Variants in ZNF714 observed in about 807,000 individuals in gnomAD.
ZNF714 encodes the protein zinc finger protein 714.
In ZNF714, 32 loss-of-function variants were observed where a neutral mutation model predicts 46.2. The observed-to-expected ratio is 0.69, with a 90% confidence interval of 0.52 to 0.93. The LOEUF is 0.93. Ranked by LOEUF, ZNF714 falls within the 40% of genes least tolerant of loss-of-function variation. The pLI is 0.00. For synonymous variants in ZNF714, 199 were observed against 213.1 expected (o/e 0.93, Z 0.58); for missense variants, 635 against 646.3 (o/e 0.98, Z 0.19).
chr19:21,092,478 T>C (rs561577473), intron 2 of ZNF714, among the ~76,000 whole-genome samples: 1 of 152,352 alleles, frequency 6.6e-6, no homozygotes, highest in East Asian at 1.9e-4. Context: ...TTTAACTGCA[T>C]GGGCACAGAA....
chr19:21,118,276 AC>A lies in ZNF714; in HGVS notation c.1616del (p.Pro539HisfsTer4), dbSNP rs1319875151. 3.8e-6 allele frequency: 5 copies of A among 1,325,040 alleles called. No individual in the cohort carries two copies. The African/African-American group carries it at 7.4e-5, about 20-fold the overall frequency. 82.1% of individuals were successfully genotyped at this position (1,325,040 alleles called of 1,614,324 possible). On this transcript the variant is annotated frameshift_variant, in exon 5 of 5. Transcript: ENST00000456283. LOFTEE classifies it high-confidence loss of function. ...AGACCAGCCTGGCCAACATGGTAAA[AC>A]CCCATCTCTACTAAAAATACAAAAA... ...VQDQPGQHGK[T>X]PSLLKIQKFA... is the part of the protein sequence containing the mutation.
intron 2 of ZNF714, among the ~76,000 whole-genome samples, chr19:21,094,763 G>T (rs1968998384): frequency 1.3e-5 from 2 of 152,178 alleles, no homozygotes; most frequent in African/African-American, 4.8e-5. Context: ...ATGACCTCAA[G>T]TGATCTGCCT....
chr19:21,096,690 G>C (rs1023905857), intron 2 of ZNF714, among the ~76,000 whole-genome samples: 1 of 152,038 alleles, frequency 6.6e-6, no homozygotes, highest in African/African-American at 2.4e-5. Flanking sequence ...TTCCTTTTGT[G>C]GCTGCTGAAC....
In ZNF714 at chr19:21,117,533, G is replaced by A. The variant is rs1969627584; in HGVS notation, c.869G>A (p.Cys290Tyr). The A allele has an allele frequency of 6.2e-7, 1 of 1,606,698 alleles. No individual in the cohort carries two copies. The highest frequency in any genetic ancestry group is 1.3e-5 in the African/African-American group (1 of 74,708). Residue 290 changes from cysteine to tyrosine, a missense_variant, in exon 5 of 5, where the codon TGT becomes TAT. Cys to Tyr is a radical substitution (Grantham distance 194). Coordinates refer to ENST00000456283, the MANE Select transcript of ZNF714 (RefSeq NM_182515.4). ...VKEKPYKCEE[C>Y]DKAFNRFSYL... Reference sequence around the variant, plus strand: ...GAAAAACCCTACAAATGTGAAGAATGTGACAAAGCTTTTAACCGATTCTCA... The same window carrying A: ...GAAAAACCCTACAAATGTGAAGAATATGACAAAGCTTTTAACCGATTCTCA...
chr19:21,117,774 A>G lies in ZNF714; in HGVS notation c.1110A>G (p.Lys370=). ...KMIHTGEKPY[K]CEECGKAFNH... is the part of the protein sequence containing the mutation. ...TTCATACTGGAGAGAAACCCTACAA[A>G]TGTGAAGAATGTGGCAAAGCCTTTA... The change falls in exon 5 of 5, where the codon AAA becomes AAG. Residue 370 remains lysine (K), a synonymous_variant. Coordinates refer to ENST00000456283, the MANE Select transcript of ZNF714 (RefSeq NM_182515.4). 6.2e-7 allele frequency: 1 copy of G among 1,613,720 alleles called. No homozygotes were observed. The highest frequency in any genetic ancestry group is 8.5e-7 in the Non-Finnish European group (1 of 1,179,970).
In ZNF714 at chr19:21,123,278, T is replaced by C. The variant is rs1969737704; in HGVS notation, c.*4946T>C. ...ATTCTTATACAAAGTGTGGCAAATA[T>C]AAAACTTGCTTGAAAATATGGAAAT... On this transcript the variant is annotated 3_prime_UTR_variant, in exon 5 of 5. Coordinates refer to ENST00000456283, the MANE Select transcript of ZNF714 (RefSeq NM_182515.4). 1 of 152,068 alleles carries C rather than the reference T, an allele frequency of 6.6e-6. No homozygotes were observed. Among genetic ancestry groups the C allele is most frequent in the Non-Finnish European group, 1.5e-5 (1 of 68,008 alleles). The allele number at this position is 152,068 out of a possible 1,614,324, so 9.4% of individuals were successfully genotyped here.
intron 2 of ZNF714, among the ~76,000 whole-genome samples, chr19:21,092,074 G>A (rs1219292912): frequency 6.6e-6 from 1 of 152,082 alleles, no homozygotes; most frequent in Non-Finnish European, 1.5e-5. Flanking sequence ...TAAAACTCTT[G>A]GTATCTGGAA....
At chr19:21,098,957 G>T in intron 4 of ZNF714, 47 bp downstream of exon 4, 5 of 891,494 alleles carry the variant, frequency 5.6e-6, no homozygotes, top group East Asian at 3.0e-5. Flanking sequence ...GAGGTACAAA[G>T]GTAAAAAAAA....
intron 1 of ZNF714, among the ~76,000 whole-genome samples, chr19:21,082,715 C>G (rs1050585316): frequency 7.4e-6 from 1 of 135,340 alleles, no homozygotes; most frequent in Admixed American, 7.5e-5. Context: ...GTTCCAGTTC[C>G]TCTTCTGTTG....
intron 2 of ZNF714, 44 bp downstream of exon 2, chr19:21,084,113 C>A: frequency 3.8e-6 from 3 of 790,518 alleles, no homozygotes; most frequent in Non-Finnish European, 4.7e-6. Context: ...GAAATAACAT[C>A]TGCCTCCTGG....
chr19:21,114,979 T>C (rs1217679792), intron 4 of ZNF714, among the ~76,000 whole-genome samples: 5 of 152,320 alleles, frequency 3.3e-5, no homozygotes, highest in Admixed American at 1.3e-4. Flanking sequence ...TTTTTCTGTC[T>C]CTGTGTCTTT....
intron 4 of ZNF714, among the ~76,000 whole-genome samples, chr19:21,113,571 A>G: frequency 6.6e-6 from 1 of 151,114 alleles, no homozygotes; most frequent in East Asian, 1.9e-4. Flanking sequence ...CAATGGCACA[A>G]TCTTGGCTCA....
rs774806631 is a variant in ZNF714 at position 21,098,189 on chromosome 19, C to A, written c.-80C>A. Reference sequence around the variant, plus strand: ...CTGTGCGTATGTGTTTTTCAGGAGACGTTGACATTTAGGGATGTGGCCATA... The same window carrying A: ...CTGTGCGTATGTGTTTTTCAGGAGAAGTTGACATTTAGGGATGTGGCCATA... On this transcript the variant is annotated 5_prime_UTR_variant, in exon 3 of 5. Coordinates refer to ENST00000456283, the MANE Select transcript of ZNF714 (RefSeq NM_182515.4). 2.5e-6 allele frequency: 4 copies of A among 1,608,862 alleles called. No homozygotes were observed. The highest frequency in any genetic ancestry group is 8.5e-7 in the Non-Finnish European group (1 of 1,178,840).
chr19:21,084,057 T>G lies in ZNF714; in HGVS notation c.-97T>G, dbSNP rs990503364. 3.2e-5 allele frequency: 37 copies of G among 1,173,362 alleles called. No individual in the cohort carries two copies. The highest frequency in any genetic ancestry group is 3.6e-5 in the Non-Finnish European group (34 of 935,838). 72.7% of individuals were successfully genotyped at this position (1,173,362 alleles called of 1,614,324 possible). On this transcript the variant is annotated 5_prime_UTR_variant, in exon 2 of 5. Transcript: ENST00000456283. ...CAGAGAGGAAGCTTCTAGTGTACTC[T>G]TACTTTGAAAAGGTAATCAGATGCT...
Position 21,118,356 on chromosome 19 carries a change from G to A in ZNF714, c.*24G>A. On this transcript the variant is annotated 3_prime_UTR_variant, in exon 5 of 5. Coordinates refer to ENST00000456283, the MANE Select transcript of ZNF714 (RefSeq NM_182515.4). Reference sequence around the variant, plus strand: ...AATCCCAGCTACTTGGGAGGCAGAGGCAGGAGAATCATTTGAACCTGGGAG... The same window carrying A: ...AATCCCAGCTACTTGGGAGGCAGAGACAGGAGAATCATTTGAACCTGGGAG... The A allele has an allele frequency of 1.5e-6, 1 of 645,232 alleles. No individual in the cohort carries two copies. The highest frequency in any genetic ancestry group is 2.8e-5 in the East Asian group (1 of 36,282). The allele number at this position is 645,232 out of a possible 1,614,324, so 40.0% of individuals were successfully genotyped here.
rs1234421524 is a variant in ZNF714, at chr19:21,118,337, A to G, written c.*5A>G. On this transcript the variant is annotated 3_prime_UTR_variant, in exon 5 of 5. Coordinates refer to ENST00000456283, the MANE Select transcript of ZNF714 (RefSeq NM_182515.4). Reference sequence around the variant, plus strand: ...TGTGGTGGCAGGCGCCTGTAATCCCAGCTACTTGGGAGGCAGAGGCAGGAG... The same window carrying G: ...TGTGGTGGCAGGCGCCTGTAATCCCGGCTACTTGGGAGGCAGAGGCAGGAG... 2 of 746,970 alleles carry G rather than the reference A, an allele frequency of 2.7e-6. No individual in the cohort carries two copies. Among genetic ancestry groups the G allele is most frequent in the Non-Finnish European group, 4.3e-6 (2 of 467,934 alleles). 46.3% of individuals were successfully genotyped at this position (746,970 alleles called of 1,614,324 possible).
At chr19:21,098,959 TA>T (rs34494287) in intron 4 of ZNF714, 49 bp downstream of exon 4, 70,022 of 666,498 alleles carry the variant, frequency 0.11, 1,326 homozygotes, top group African/African-American at 0.28. Context: ...GGTACAAAGG[TA>T]AAAAAAAAAA....
chr19:21,085,280 A>G (rs963825076), intron 2 of ZNF714, among the ~76,000 whole-genome samples: 3 of 152,250 alleles, frequency 2.0e-5, no homozygotes, highest in African/African-American at 7.2e-5. Context: ...GACAGTGAAT[A>G]TCTGTGTTCA....
intron 4 of ZNF714, among the ~76,000 whole-genome samples, chr19:21,100,012 T>C (rs11673564): frequency 0.76 from 114,996 of 151,784 alleles, 44,817 homozygotes; most frequent in Middle Eastern, 0.88. Flanking sequence ...TGTGCCACCA[T>C]GCCCGGCTAA....
Sources: gnomAD v4.1 joint callset for allele counts (sites outside exome capture counted in the v4.1 genomes callset) on GRCh38, gnomAD v4.1.1 for gene constraint, MANE v1.5 for transcripts, NCBI Gene and HGNC (gene_info 2026-07-23, HGNC 2026-07-21) for gene names.